LRP1B: variants seen among roughly 807,000 people sequenced by gnomAD.
LRP1B encodes low-density lipoprotein receptor-related protein 1B.
A neutral mutation model predicts 556.6 loss-of-function variants in LRP1B; 217 were observed. That is an observed-to-expected ratio of 0.39 (90% CI 0.35 to 0.44). LRP1B has a LOEUF of 0.44. Ranked by LOEUF, LRP1B falls within the 20% of genes least tolerant of loss-of-function variation. LRP1B has a pLI of 1.00. For synonymous variants in LRP1B, 2,047 were observed against 1,865.8 expected, an observed-to-expected ratio of 1.10 and a Z score of -2.50; for missense variants, 5,053 against 5,620.8, an observed-to-expected ratio of 0.90 and a Z score of 3.23.
chr2:140,274,161 A>G (rs1289345433), intron 85 of LRP1B, among the ~76,000 whole-genome samples: 1 of 152,114 alleles, frequency 6.6e-6, no homozygotes, highest in Non-Finnish European at 1.5e-5. Context: ...TTGCTTACTC[A>G]GGAATATTTG....
intron 43 of LRP1B, among the ~76,000 whole-genome samples, chr2:140,552,835 G>A (rs577418374): frequency 1.2e-4 from 18 of 152,030 alleles, no homozygotes; most frequent in Non-Finnish European, 2.1e-4. Context: ...TAAGTGTGTC[G>A]TCATAGATAA....
intron 11 of LRP1B, among the ~76,000 whole-genome samples, chr2:141,043,019 C>T (rs1201234623): frequency 1.5e-5 from 2 of 135,462 alleles, no homozygotes; most frequent in East Asian, 4.6e-4. Context: ...TGGTGAAAGG[C>T]TGTCACTACA....
At chr2:140,296,030 G>A (rs1371104091) in intron 84 of LRP1B, among the ~76,000 whole-genome samples, 1 of 152,052 alleles carries the variant, frequency 6.6e-6, no homozygotes, top group Non-Finnish European at 1.5e-5. Flanking sequence ...CAATTATTTT[G>A]GTCTGGACAG....
chr2:141,880,232 T>A (rs938893878), intron 1 of LRP1B, among the ~76,000 whole-genome samples: 1 of 151,958 alleles, frequency 6.6e-6, no homozygotes, highest in Non-Finnish European at 1.5e-5. Context: ...GGAACTTGTC[T>A]GTCTTAGTCA....
intron 2 of LRP1B, among the ~76,000 whole-genome samples, chr2:141,674,877 T>G (rs1353950171): frequency 2.0e-5 from 3 of 151,774 alleles, no homozygotes; most frequent in African/African-American, 7.2e-5. Context: ...TAGAAATTGC[T>G]TTTTTTTGAA....
intron 71 of LRP1B, among the ~76,000 whole-genome samples, 154 bp from the exon 72 acceptor site, chr2:140,364,937 ATAT>A (rs1287188237): frequency 6.6e-6 from 1 of 151,438 alleles, no homozygotes; most frequent in African/African-American, 2.4e-5. Context: ...GGAACAAGTA[ATAT>A]TCAATTTTTT....
chr2:141,243,990 A>G (rs997573710), intron 5 of LRP1B, among the ~76,000 whole-genome samples: 12 of 152,198 alleles, frequency 7.9e-5, no homozygotes, highest in Non-Finnish European at 2.9e-5. Context: ...GGAATAATCA[A>G]TTAACTTAGA....
intron 14 of LRP1B, among the ~76,000 whole-genome samples, chr2:141,007,655 A>G (rs1697616588): frequency 6.6e-6 from 1 of 151,736 alleles, no homozygotes; most frequent in Non-Finnish European, 1.5e-5. Context: ...ATATTTTAGT[A>G]GCATTCAGAT....
intron 32 of LRP1B, among the ~76,000 whole-genome samples, chr2:140,791,950 C>T (rs989523450): frequency 5.9e-5 from 9 of 152,188 alleles, no homozygotes; most frequent in Non-Finnish European, 1.0e-4. Flanking sequence ...ATTTCCCTTT[C>T]TGAAGGTGAT....
At chr2:141,926,590 T>C (rs957449906) in intron 1 of LRP1B, among the ~76,000 whole-genome samples, 3 of 152,186 alleles carry the variant, frequency 2.0e-5, no homozygotes, top group Non-Finnish European at 4.4e-5. Context: ...CTTCATATAA[T>C]CTTTCAGCAA....
rs966994499 is a variant in LRP1B, at chr2:141,131,630, G to T, written c.1013+56791C>A. ...GAACAAAAGAAATTAATTATGGAAA[G>T]AATTTAACTATCTCTGAGGTGGGCT... On this transcript the variant is annotated intron_variant, in intron 7 of 90. Coordinates refer to ENST00000389484, the MANE Select transcript of LRP1B (RefSeq NM_018557.3). Among the ~76,000 whole-genome samples the T allele has an allele frequency of 2.0e-5, 3 of 150,958 alleles. No individual in the cohort carries two copies. The East Asian group carries it at 5.8e-4, about 29-fold the overall frequency.
chr2:141,293,079 T>A (rs1209627069), intron 3 of LRP1B, among the ~76,000 whole-genome samples: 1 of 152,188 alleles, frequency 6.6e-6, no homozygotes, highest in Admixed American at 6.5e-5. Context: ...AATTTAAGTC[T>A]ACTTTTTTAA....
intron 66 of LRP1B, among the ~76,000 whole-genome samples, chr2:140,436,159 C>G (rs1686172191): frequency 6.6e-6 from 1 of 152,008 alleles, no homozygotes; most frequent in Non-Finnish European, 1.5e-5. Flanking sequence ...AATAATAGTA[C>G]AAAAAATCTT....
intron 7 of LRP1B, among the ~76,000 whole-genome samples, chr2:141,076,283 T>A (rs1699783939): frequency 1.3e-5 from 2 of 152,202 alleles, no homozygotes; most frequent in African/African-American, 4.8e-5. Context: ...AGGCCAGGGT[T>A]TCTTGACCAG....
At chr2:140,354,314 CACA>C (rs1213781297) in intron 75 of LRP1B, among the ~76,000 whole-genome samples, 2 of 152,076 alleles carry the variant, frequency 1.3e-5, no homozygotes, top group African/African-American at 4.8e-5. Flanking sequence ...ACTTGTAAAT[CACA>C]ACGTCAAGGC....
At chr2:140,613,653 A>G (rs1027645691) in intron 41 of LRP1B, among the ~76,000 whole-genome samples, 2 of 151,648 alleles carry the variant, frequency 1.3e-5, no homozygotes, top group South Asian at 2.1e-4. Context: ...ACTCTCAGAC[A>G]AAGGACTTAA....
chr2:141,207,683 TTTTG>T (rs1682345236), intron 6 of LRP1B, among the ~76,000 whole-genome samples: 1 of 146,136 alleles, frequency 6.8e-6, no homozygotes, highest in Non-Finnish European at 1.5e-5. Flanking sequence ...TTGTTTTTGT[TTTTG>T]TTTTTGAGAT....
chr2:141,775,316 T>C (rs568736832), intron 2 of LRP1B, among the ~76,000 whole-genome samples: 6 of 152,346 alleles, frequency 3.9e-5, no homozygotes, highest in Admixed American at 6.5e-5. Flanking sequence ...GCAATTGATT[T>C]TTGCCCTGTA....
chr2:141,306,072 G>A (rs1217127296), intron 3 of LRP1B, among the ~76,000 whole-genome samples: 3 of 152,034 alleles, frequency 2.0e-5, no homozygotes. Flanking sequence ...TCTTTGTCTG[G>A]TTTTGGTATC....
Sources: gnomAD v4.1 joint callset for allele counts (sites outside exome capture counted in the v4.1 genomes callset) on GRCh38, gnomAD v4.1.1 for gene constraint, MANE v1.5 for transcripts, NCBI Gene and HGNC (gene_info 2026-07-23, HGNC 2026-07-21) for gene names.